The following PCDHA13 variants were observed in gnomAD, a reference collection of about 807,000 sequenced individuals.
PCDHA13 encodes the protein protocadherin alpha-13.
Under a neutral mutation model 64.8 loss-of-function variants are expected in PCDHA13, and 54 were observed. The observed-to-expected ratio is 0.83, with a 90% CI of 0.67 to 1.04. PCDHA13 has a LOEUF of 1.04. Ranked by LOEUF, PCDHA13 falls within the 50% of genes least tolerant of loss-of-function variation. The pLI is 0.00. For missense variants in PCDHA13, 1,248 were observed against 1,254.3 expected (o/e 0.99, Z 0.08); for synonymous variants, 587 against 564.4 (o/e 1.04, Z -0.57).
chr5:140,941,341 G>A (rs1413393487), intron 1 of PCDHA13, among the ~76,000 whole-genome samples: 1 of 119,412 alleles, frequency 8.4e-6, no homozygotes, highest in African/African-American at 3.2e-5. Flanking sequence ...TTTTCAGATG[G>A]AGTCTTGCTC....
chr5:140,927,843 C>G, intron 1 of PCDHA13: 2 of 1,614,186 alleles, frequency 1.2e-6, no homozygotes, highest in Non-Finnish European at 1.7e-6. Flanking sequence ...ACGAAGGTGT[C>G]TTTGGTTTAG....
intron 1 of PCDHA13, chr5:140,967,436 C>A (rs781894469): frequency 1.2e-6 from 2 of 1,613,378 alleles, no homozygotes; most frequent in Non-Finnish European, 8.5e-7. Flanking sequence ...AGCCTTGCAC[C>A]ACCTGGTTCT....
intron 1 of PCDHA13, among the ~76,000 whole-genome samples, chr5:140,972,168 G>T (rs969968770): frequency 2.6e-5 from 4 of 152,064 alleles, no homozygotes; most frequent in African/African-American, 9.7e-5. Context: ...TTGAGACAGA[G>T]TCTTGGCCTG....
chr5:140,927,077 G>C (rs568623488), intron 1 of PCDHA13: 29 of 1,610,728 alleles, frequency 1.8e-5, no homozygotes, highest in Non-Finnish European at 2.5e-5. Flanking sequence ...TCCAGCCACC[G>C]CGAGCTCTAC....
In PCDHA13 at chr5:140,884,432, C is replaced by G; in HGVS notation, c.2164C>G (p.Arg722Gly). ...VLTLLLYTAL[R>G]CSAPPTEGAC... is the part of the protein sequence containing the mutation. The stretch of plus-strand genomic sequence containing the variant: ...CACGTTGCTGCTGTATACTGCGCTG[C>G]GGTGCTCGGCACCGCCCACCGAGGG... Residue 722 changes from arginine (R) to glycine (G), a missense_variant, in exon 1 of 4, where the codon CGG (arginine) becomes GGG (glycine). Arg to Gly is a moderately radical substitution (Grantham distance 125). Coordinates refer to ENST00000289272, the MANE Select transcript of PCDHA13 (RefSeq NM_018904.3). The G allele has an allele frequency of 6.2e-7, 1 of 1,613,880 alleles. No homozygotes were observed. The highest frequency in any genetic ancestry group is 8.5e-7 in the Non-Finnish European group (1 of 1,179,858).
intron 1 of PCDHA13, among the ~76,000 whole-genome samples, chr5:140,951,626 C>T (rs1182328214): frequency 3.3e-5 from 5 of 152,062 alleles, no homozygotes; most frequent in African/African-American, 4.8e-5. Context: ...AAGGGGGAAA[C>T]CTGCCCCATG....
chr5:140,916,165 G>A (rs567070534), intron 1 of PCDHA13, among the ~76,000 whole-genome samples: 1 of 152,224 alleles, frequency 6.6e-6, no homozygotes, highest in East Asian at 1.9e-4. Context: ...AATGCTGCCA[G>A]GCCTGGGACT....
intron 1 of PCDHA13, chr5:140,966,789 C>G (rs782194817): frequency 6.5e-7 from 1 of 1,528,572 alleles, no homozygotes; most frequent in East Asian, 2.4e-5. Context: ...GGCACCAGAC[C>G]TGCGGCGACA....
chr5:140,966,532 G>A (rs1418404048), intron 1 of PCDHA13: 7 of 447,876 alleles, frequency 1.6e-5, no homozygotes, highest in East Asian at 3.5e-5. Flanking sequence ...GAGCCGGGTT[G>A]AGCGACTCGG....
At chr5:140,927,964 G>A in intron 1 of PCDHA13, 1 of 1,614,230 alleles carries the variant, frequency 6.2e-7, no homozygotes, top group South Asian at 1.1e-5. Context: ...CCCTGGCACA[G>A]TGATTGCTCT....
chr5:140,941,259 T>G (rs368206632), intron 1 of PCDHA13, among the ~76,000 whole-genome samples: 1 of 121,734 alleles, frequency 8.2e-6, no homozygotes, highest in Non-Finnish European at 1.8e-5. Flanking sequence ...TTCTTTCTCT[T>G]TCTTTCTTTC....
intron 1 of PCDHA13, among the ~76,000 whole-genome samples, chr5:140,914,012 G>A (rs2153528687): frequency 6.6e-6 from 1 of 152,234 alleles, no homozygotes; most frequent in Admixed American, 6.5e-5. Context: ...CTATCTTTGA[G>A]AATGATCCAC....
intron 3 of PCDHA13, among the ~76,000 whole-genome samples, chr5:140,991,053 A>G (rs2097429648): frequency 6.6e-6 from 1 of 152,220 alleles, no homozygotes; most frequent in Non-Finnish European, 1.5e-5. Context: ...TGAGAGAAGT[A>G]CATTATTATT....
chr5:140,995,324 G>A (rs1290299693), intron 3 of PCDHA13, among the ~76,000 whole-genome samples: 1 of 152,190 alleles, frequency 6.6e-6, no homozygotes, highest in African/African-American at 2.4e-5. Context: ...GAACTAACAG[G>A]TGAGTAGTGT....
chr5:140,924,103 TC>T (rs1377290150), intron 1 of PCDHA13, among the ~76,000 whole-genome samples: 1 of 152,234 alleles, frequency 6.6e-6, no homozygotes, highest in African/African-American at 2.4e-5. Flanking sequence ...AAATTTTCAT[TC>T]CAAAGCAGTT....
intron 3 of PCDHA13, among the ~76,000 whole-genome samples, chr5:140,991,686 A>G (rs2097465682): frequency 6.6e-6 from 1 of 152,196 alleles, no homozygotes; most frequent in Non-Finnish European, 1.5e-5. Context: ...AGTCCTCTCT[A>G]GTAGAGCCAT....
At chr5:140,955,183 G>A (rs556157825) in intron 1 of PCDHA13, among the ~76,000 whole-genome samples, 1 of 152,122 alleles carries the variant, frequency 6.6e-6, no homozygotes, top group South Asian at 2.1e-4. Flanking sequence ...GTAGTTTTGT[G>A]GTGTATATGA....
At chr5:140,956,314 G>C (rs1262942129) in intron 1 of PCDHA13, among the ~76,000 whole-genome samples, 2 of 152,036 alleles carry the variant, frequency 1.3e-5, no homozygotes, top group Admixed American at 6.6e-5. Context: ...ATTATTTTGA[G>C]ATATGTTCCT....
At chr5:140,888,011 A>G (rs1554183291) in intron 1 of PCDHA13, among the ~76,000 whole-genome samples, 1 of 152,138 alleles carries the variant, frequency 6.6e-6, no homozygotes, top group African/African-American at 2.4e-5. Flanking sequence ...TCATCTTTTT[A>G]TCTATATGTT....
Sources: allele counts gnomAD v4.1 joint callset (sites outside exome capture counted in the v4.1 genomes callset), GRCh38; gene constraint gnomAD v4.1.1; transcripts MANE v1.5; gene names NCBI Gene and HGNC (gene_info 2026-07-23, HGNC 2026-07-21).